The following ZNF366 variants were observed in gnomAD, a reference collection of about 807,000 sequenced individuals.
The protein encoded by ZNF366 is dendritic cell-specific transcript protein.
A neutral mutation model predicts 47.2 loss-of-function variants in ZNF366; 20 were observed. The observed-to-expected ratio is 0.42, with a 90% CI of 0.30 to 0.62. The LOEUF (loss-of-function observed/expected upper bound fraction) is 0.62. ZNF366 is among the 20% of genes least tolerant of loss of function. The pLI is 0.16. For synonymous variants in ZNF366, 421 were observed against 395.1 expected (o/e 1.07, Z -0.78); for missense variants, 987 against 976.3 (o/e 1.01, Z -0.15).
intron 4 of ZNF366, among the ~76,000 whole-genome samples, chr5:72,446,700 C>G (rs1234444903): frequency 6.6e-6 from 1 of 152,168 alleles, no homozygotes; most frequent in Non-Finnish European, 1.5e-5. Context: ...GTAGGAAAGA[C>G]CTAGCCTGCT....
intron 1 of ZNF366, among the ~76,000 whole-genome samples, chr5:72,488,280 T>A (rs886694486): frequency 3.3e-4 from 50 of 152,054 alleles, no homozygotes; most frequent in African/African-American, 1.2e-3. Flanking sequence ...AATGCTGGAA[T>A]TGATTTTCTA....
intron 1 of ZNF366, among the ~76,000 whole-genome samples, chr5:72,466,960 A>C (rs932074680): frequency 1.3e-5 from 2 of 152,238 alleles, no homozygotes; most frequent in African/African-American, 4.8e-5. Context: ...ACCCAGCCAG[A>C]AAACAGATTC....
chr5:72,452,948 C>T (rs1438221290), intron 3 of ZNF366, among the ~76,000 whole-genome samples: 3 of 152,168 alleles, frequency 2.0e-5, no homozygotes, highest in Admixed American at 2.0e-4. Flanking sequence ...AAAACTCCAG[C>T]TGGCTCCAAG....
chr5:72,453,784 G>C (rs533284889), intron 3 of ZNF366, among the ~76,000 whole-genome samples: 27 of 152,238 alleles, frequency 1.8e-4, no homozygotes, highest in Non-Finnish European at 4.0e-4. Flanking sequence ...TTTGAGCACT[G>C]TCTCAGAGAC....
rs891810102 is a variant in ZNF366, at chr5:72,457,721, C to T, written c.1333-1126G>A. Among the ~76,000 whole-genome samples the T allele has an allele frequency of 2.6e-5, 4 of 152,116 alleles. 1 individual carries two copies. Among genetic ancestry groups the T allele is most frequent in the Admixed American group, 2.0e-4 (3 of 15,268 alleles). ...ACTGGCTGTAAAACCTTAGATGAGT[C>T]GTGTGGCCTTTTTTAGTGAAGGCTT... On this transcript the variant is annotated intron_variant, in intron 2 of 4. Coordinates refer to ENST00000318442, the MANE Select transcript of ZNF366 (RefSeq NM_152625.3).
intron 1 of ZNF366, among the ~76,000 whole-genome samples, chr5:72,493,170 A>G (rs750536459): frequency 4.6e-5 from 7 of 152,232 alleles, no homozygotes; most frequent in Admixed American, 1.3e-4. Flanking sequence ...ATGCATTCCA[A>G]AAATGTCTAT....
Position 72,443,718 on chromosome 5 carries a change from C to T in ZNF366, c.*38G>A, listed in dbSNP as rs1362074352. ...GCAGAAAGCTATATTTGAACTGCCTCCTTCTCATTTTCCAAATGTAATTTT... is the reference window on the plus strand; with the variant it reads ...GCAGAAAGCTATATTTGAACTGCCTTCTTCTCATTTTCCAAATGTAATTTT... On this transcript the variant is annotated 3_prime_UTR_variant, in exon 5 of 5. Transcript: ENST00000318442. 27 of 1,579,280 alleles carry T rather than the reference C, an allele frequency of 1.7e-5. No homozygotes were observed. Among genetic ancestry groups the T allele is most frequent in the Non-Finnish European group, 2.2e-5 (26 of 1,163,290 alleles).
At position 72,460,247 on chromosome 5, in the gene ZNF366, T is replaced by A. The variant is rs774198177; in HGVS notation, c.1250A>T (p.Asp417Val). 6.2e-7 allele frequency: 1 copy of A among 1,614,198 alleles called. No homozygotes were observed. ...QLQNHMMKHK[D>V]IRPYICSECG... The stretch of plus-strand genomic sequence containing the variant: ...CTCTGAGCAGATGTAGGGCCGGATG[T>A]CCTTGTGCTTCATCATGTGGTTCTG... The change falls in exon 2 of 5, where the codon GAC becomes GTC. Residue 417 changes from aspartate (D) to valine (V), a missense_variant. Coordinates refer to ENST00000318442, the MANE Select transcript of ZNF366 (RefSeq NM_152625.3).
At chr5:72,454,594 G>T (rs995309405) in intron 3 of ZNF366, among the ~76,000 whole-genome samples, 1 of 152,168 alleles carries the variant, frequency 6.6e-6, no homozygotes, top group African/African-American at 2.4e-5. Context: ...ATTTTCAGGG[G>T]ATTATAAACT....
intron 1 of ZNF366, among the ~76,000 whole-genome samples, chr5:72,462,547 C>CT (rs71614477): frequency 0.014 from 1,132 of 78,834 alleles, 14 homozygotes; most frequent in African/African-American, 0.029. Flanking sequence ...TTCTTTCTTT[C>CT]TTTTTTTTTT....
At position 72,470,549 on chromosome 5, in the gene ZNF366, G is replaced by A. The variant is rs112428542; in HGVS notation, c.-14-9039C>T. Among the ~76,000 whole-genome samples the A allele has an allele frequency of 6.3e-3, 962 of 152,274 alleles. 7 individuals are homozygous for A. Among genetic ancestry groups the A allele is most frequent in the African/African-American group, 0.022 (922 of 41,548 alleles). ...GTGCTGCCAGTCACCTTTCTGTGTGGGTGGATGTCCTATATTTCTAACATA... is the reference window on the plus strand; with the variant it reads ...GTGCTGCCAGTCACCTTTCTGTGTGAGTGGATGTCCTATATTTCTAACATA... On this transcript the variant is annotated intron_variant, in intron 1 of 4. Coordinates refer to ENST00000318442, the MANE Select transcript of ZNF366 (RefSeq NM_152625.3).
chr5:72,461,635 T>C, intron 1 of ZNF366, 125 bp from the exon 2 acceptor site: 1 of 1,270,700 alleles, frequency 7.9e-7, no homozygotes, highest in South Asian at 1.5e-5. Context: ...ATATGGACCC[T>C]CATTTATCCT....
intron 1 of ZNF366, among the ~76,000 whole-genome samples, chr5:72,500,026 A>G (rs1263123894): frequency 1.3e-5 from 2 of 152,184 alleles, no homozygotes; most frequent in Non-Finnish European, 2.9e-5. Context: ...CCCAGTGCAA[A>G]GGAAACTCTA....
At chr5:72,462,551 T>TTTCTTTCTTTCTTTC (rs1371593009) in intron 1 of ZNF366, among the ~76,000 whole-genome samples, 61 of 16,886 alleles carry the variant, frequency 3.6e-3, no homozygotes, top group African/African-American at 0.023. Flanking sequence ...TTCTTTCTTT[T>TTTCTTTCTTTCTTTC]TTTTTTTTTT....
chr5:72,446,597 G>T (rs889007769), intron 4 of ZNF366, among the ~76,000 whole-genome samples: 1 of 152,168 alleles, frequency 6.6e-6, no homozygotes, highest in Non-Finnish European at 1.5e-5. Flanking sequence ...AGGATTCAGT[G>T]GGGGAGGTGT....
intron 1 of ZNF366, among the ~76,000 whole-genome samples, chr5:72,477,966 T>C (rs1484722389): frequency 1.3e-5 from 2 of 152,146 alleles, no homozygotes; most frequent in Non-Finnish European, 2.9e-5. Flanking sequence ...TGCAAACAGT[T>C]GTTGAGCCCA....
chr5:72,474,749 G>C (rs1177962166), intron 1 of ZNF366, among the ~76,000 whole-genome samples: 4 of 151,916 alleles, frequency 2.6e-5, no homozygotes, highest in African/African-American at 7.3e-5. Flanking sequence ...AACAAAATAG[G>C]GGGTTCCCTT....
rs113142156 is a variant in ZNF366, at chr5:72,480,122, A to G, written c.-14-18612T>C. ...TCCTAAAGCAAATGACACTTCATGA[A>G]TAGAGACTAAAACCAAAGTGTGAAG... is the stretch of plus-strand genomic sequence containing the variant. On this transcript the variant is annotated intron_variant, in intron 1 of 4. Coordinates refer to ENST00000318442, the MANE Select transcript of ZNF366 (RefSeq NM_152625.3). Among the ~76,000 whole-genome samples, 889 of 152,332 alleles carry G rather than the reference A, an allele frequency of 5.8e-3. 10 individuals carry two copies. The highest frequency in any genetic ancestry group is 0.019 in the African/African-American group (808 of 41,580).
chr5:72,455,096 T>C (rs145257790), intron 3 of ZNF366, among the ~76,000 whole-genome samples: 208 of 152,218 alleles, frequency 1.4e-3, no homozygotes, highest in African/African-American at 4.6e-3. Context: ...CGGATGTAAA[T>C]TGACTTTCGA....
Sources: allele counts gnomAD v4.1 joint callset (sites outside exome capture counted in the v4.1 genomes callset), GRCh38; gene constraint gnomAD v4.1.1; transcripts MANE v1.5; gene names NCBI Gene and HGNC (gene_info 2026-07-23, HGNC 2026-07-21).